DAB1: variants seen among roughly 807,000 people sequenced by gnomAD.
DAB1 encodes disabled homolog 1.
DAB1 carries 15 observed loss-of-function variants against 64.6 expected under a neutral mutation model. The ratio of observed to expected loss-of-function variants is 0.23; its 90% confidence interval spans 0.16 to 0.36. The LOEUF (loss-of-function observed/expected upper bound fraction) is 0.36. Ranked by LOEUF, DAB1 falls within the 10% of genes least tolerant of loss-of-function variation. The probability of loss-of-function intolerance (pLI) is 1.00; values close to 1 mark genes in which losing one functional copy is unlikely to be tolerated. For missense variants in DAB1, 596 were observed against 706.7 expected, an observed-to-expected ratio of 0.84 and a Z score of 1.78; for synonymous variants, 235 against 251.9, an observed-to-expected ratio of 0.93 and a Z score of 0.64.
intron 5 of DAB1, among the ~76,000 whole-genome samples, chr1:57,979,421 G>T (rs1024601027): frequency 6.6e-6 from 1 of 152,152 alleles, no homozygotes; most frequent in Non-Finnish European, 1.5e-5. Context: ...TGGGGGATGG[G>T]GGGCTAGGGG....
chr1:57,511,028 C>T (rs1170723509), intron 7 of DAB1, among the ~76,000 whole-genome samples: 5 of 152,314 alleles, frequency 3.3e-5, no homozygotes, highest in South Asian at 2.1e-4. Flanking sequence ...TAGACCACCT[C>T]CATTGCTCAG....
At chr1:57,154,503 A>G (rs543725860) in intron 2 of DAB1, among the ~76,000 whole-genome samples, 79 of 152,356 alleles carry the variant, frequency 5.2e-4, no homozygotes, top group African/African-American at 1.8e-3. Flanking sequence ...TGCAACAAAC[A>G]TGAGAGTGCA....
intron 5 of DAB1, among the ~76,000 whole-genome samples, chr1:58,124,699 G>C: frequency 6.6e-6 from 1 of 152,222 alleles, no homozygotes; most frequent in East Asian, 1.9e-4. Context: ...AGATTGCGGA[G>C]TCAGTGAGAG....
At chr1:57,152,207 C>A (rs1364925122) in intron 2 of DAB1, among the ~76,000 whole-genome samples, 1 of 152,162 alleles carries the variant, frequency 6.6e-6, no homozygotes, top group African/African-American at 2.4e-5. Context: ...TCTGGCAGGT[C>A]AGGAGTGCCA....
At position 58,105,307 on chromosome 1, in the gene DAB1, T is replaced by C. The variant is rs570349387; in HGVS notation, n.387+45204A>G. On this transcript the variant is annotated intron_variant and non_coding_transcript_variant, in intron 5 of 20. Coordinates refer to the DAB1 transcript ENST00000485760. Reference sequence around the variant, plus strand: ...GTTCAGTTAAAAGCAAGACCCCATCTGTAAACACTCATCGGCACCCATTAG... The same window carrying C: ...GTTCAGTTAAAAGCAAGACCCCATCCGTAAACACTCATCGGCACCCATTAG... Among the ~76,000 whole-genome samples the C allele has an allele frequency of 2.6e-5, 4 of 152,336 alleles. No individual in the cohort carries two copies. The South Asian group carries it at 8.3e-4, about 32-fold the overall frequency.
intron 6 of DAB1, among the ~76,000 whole-genome samples, chr1:57,667,444 ATTTG>A (rs1229116329): frequency 3.3e-5 from 5 of 151,960 alleles, no homozygotes; most frequent in African/African-American, 1.2e-4. Flanking sequence ...TTAGTTAATT[ATTTG>A]TTTATTGTTT....
At chr1:58,240,269 T>A (rs185604082) in intron 4 of DAB1, among the ~76,000 whole-genome samples, 12 of 152,346 alleles carry the variant, frequency 7.9e-5, no homozygotes, top group African/African-American at 2.4e-4. Flanking sequence ...CCTATAAGGA[T>A]GTAAAATAAA....
chr1:57,778,763 G>A (rs1199813648), intron 6 of DAB1, among the ~76,000 whole-genome samples: 1 of 152,056 alleles, frequency 6.6e-6, no homozygotes, highest in Non-Finnish European at 1.5e-5. Flanking sequence ...TGTCACGTAG[G>A]AGAGTTGTAA....
chr1:57,213,181 A>T (rs551602360), intron 2 of DAB1, among the ~76,000 whole-genome samples: 1 of 152,002 alleles, frequency 6.6e-6, no homozygotes, highest in Non-Finnish European at 1.5e-5. Flanking sequence ...TAAAAGGTAC[A>T]AAGAAATGGG....
intron 7 of DAB1, among the ~76,000 whole-genome samples, chr1:57,580,426 C>T (rs1422003988): frequency 6.6e-6 from 1 of 152,144 alleles, no homozygotes; most frequent in Non-Finnish European, 1.5e-5. Context: ...TGTCCTCCTG[C>T]AGCTTCTACT....
intron 14 of DAB1, among the ~76,000 whole-genome samples, chr1:56,999,119 T>C (rs1645747591): frequency 7.6e-6 from 1 of 131,662 alleles, no homozygotes; most frequent in Admixed American, 7.7e-5. Context: ...TAGGTTCTTA[T>C]TATTTGCTTT....
chr1:58,148,784 C>T (rs533374060), intron 5 of DAB1, among the ~76,000 whole-genome samples: 6 of 152,132 alleles, frequency 3.9e-5, no homozygotes, highest in East Asian at 1.9e-4. Context: ...CACCCCCCCC[C>T]CAACCTCATG....
Position 58,407,485 on chromosome 1 carries a change from C to T in DAB1, n.258-64082G>A, listed in dbSNP as rs1644627384. ...TATCAGGAATGATTTGCCCCCTTTC[C>T]CCAGGCAATGCTGAAAATATTTTCG... On this transcript the variant is annotated intron_variant and non_coding_transcript_variant, in intron 3 of 20. Transcript: ENST00000485760. 4.6e-5 allele frequency among the ~76,000 whole-genome samples: 7 copies of T among 152,266 alleles called. No homozygotes were observed. The South Asian group carries it at 1.5e-3, about 32-fold the overall frequency.
rs76247493 is a variant in DAB1, at chr1:58,327,020, C to G, written n.309+16332G>C. 2.2e-4 allele frequency among the ~76,000 whole-genome samples: 33 copies of G among 152,202 alleles called. No individual in the cohort carries two copies. The East Asian group carries it at 6.4e-3, about 29-fold the overall frequency. On this transcript the variant is annotated intron_variant and non_coding_transcript_variant, in intron 4 of 20. Coordinates refer to the DAB1 transcript ENST00000485760. ...TAAAGAGAGGGAATAATCTGAAAACCATAAGTATTGAGAATCCCAGAACAT... is the reference window on the plus strand; with the variant it reads ...TAAAGAGAGGGAATAATCTGAAAACGATAAGTATTGAGAATCCCAGAACAT...
At chr1:57,841,639 T>A (rs1101354) in intron 1 of DAB1, among the ~76,000 whole-genome samples, 33,807 of 152,216 alleles carry the variant, frequency 0.22, 4,406 homozygotes, top group Non-Finnish European at 0.29. Flanking sequence ...GCCTGAGCTG[T>A]ACCTTGGCCC....
intron 6 of DAB1, among the ~76,000 whole-genome samples, chr1:57,714,247 G>A (rs1009196806): frequency 3.9e-5 from 6 of 152,014 alleles, no homozygotes; most frequent in South Asian, 2.1e-4. Flanking sequence ...ATTTTATGAC[G>A]GGAAAACCAA....
At chr1:57,644,243 G>A (rs961706130) in intron 7 of DAB1, among the ~76,000 whole-genome samples, 3 of 152,202 alleles carry the variant, frequency 2.0e-5, no homozygotes, top group Non-Finnish European at 2.9e-5. Context: ...AGAATGAACT[G>A]GAATGGGTGA....
intron 4 of DAB1, among the ~76,000 whole-genome samples, chr1:58,256,604 T>G (rs1660934565): frequency 6.6e-6 from 1 of 152,200 alleles, no homozygotes; most frequent in South Asian, 2.1e-4. Context: ...GTGCATTAGC[T>G]CATTGAATCC....
intron 9 of DAB1, among the ~76,000 whole-genome samples, chr1:57,044,203 C>T (rs1468765107): frequency 6.6e-6 from 1 of 152,216 alleles, no homozygotes; most frequent in Non-Finnish European, 1.5e-5. Flanking sequence ...TTGTTTCAAG[C>T]ACTCACTGCT....
Sources: gnomAD v4.1 joint callset for allele counts (sites outside exome capture counted in the v4.1 genomes callset) on GRCh38, gnomAD v4.1.1 for gene constraint, MANE v1.5 for transcripts, NCBI Gene and HGNC (gene_info 2026-07-23, HGNC 2026-07-21) for gene names.